The following INTS2 variants were observed in gnomAD, a reference collection of about 807,000 sequenced individuals.
The protein encoded by INTS2 is integrator complex subunit 2.
Under a neutral mutation model 139.6 loss-of-function variants are expected in INTS2, and 57 were observed. The observed-to-expected ratio is 0.41, with a 90% CI of 0.33 to 0.51. The LOEUF (loss-of-function observed/expected upper bound fraction) is 0.51, where lower values mean the gene tolerates loss of function less well. INTS2 is among the 20% of genes least tolerant of loss of function. INTS2 has a pLI of 0.28. For synonymous variants in INTS2, 473 were observed against 493.4 expected (o/e 0.96, Z 0.55); for missense variants, 1,196 against 1,436.7 (o/e 0.83, Z 2.71).
intron 5 of INTS2, among the ~76,000 whole-genome samples, chr17:61,913,025 G>A (rs921059862): frequency 2.0e-5 from 3 of 151,560 alleles, no homozygotes; most frequent in Admixed American, 2.0e-4. Context: ...GCAGTGAGCC[G>A]AGATCACACC....
chr17:61,885,025 TA>T lies in INTS2; in HGVS notation c.1985-21del, dbSNP rs781638368. 7.0e-7 allele frequency: 1 copy of T among 1,427,210 alleles called. No individual in the cohort carries two copies. The highest frequency in any genetic ancestry group is 9.7e-7 in the Non-Finnish European group (1 of 1,035,816). The allele number at this position is 1,427,210 out of a possible 1,614,324, so 88.4% of individuals were successfully genotyped here. A position where few individuals can be genotyped will look rare whatever the true frequency, so the allele number is the denominator to read the frequency against. On this transcript the variant is annotated intron_variant, in intron 15 of 24. Coordinates refer to ENST00000251334, the MANE Select transcript of INTS2 (RefSeq NM_001351695.2). ...TGGCAGCTATCAAAGATAAAAAGTG[TA>T]AAATAAATAAAATGTCCAGAAACAA...
chr17:61,913,471 T>A (rs2079548289), intron 5 of INTS2, among the ~76,000 whole-genome samples: 1 of 152,210 alleles, frequency 6.6e-6, no homozygotes, highest in South Asian at 2.1e-4. Context: ...GACATCTTTG[T>A]TCTTTGTTTT....
At chr17:61,889,376 C>G (rs2079266769) in intron 15 of INTS2, among the ~76,000 whole-genome samples, 1 of 152,134 alleles carries the variant, frequency 6.6e-6, no homozygotes, top group African/African-American at 2.4e-5. Context: ...CGTAAGCCAC[C>G]TCGACTGGCC....
At chr17:61,924,810 T>C in intron 3 of INTS2, 151 bp downstream of exon 3, 1 of 714,500 alleles carries the variant, frequency 1.4e-6, no homozygotes, top group Non-Finnish European at 2.3e-6. Context: ...GCTTGGGCAA[T>C]AAGAATGAAA....
Position 61,870,549 on chromosome 17 carries a change from G to C in INTS2, c.2779-561C>G, listed in dbSNP as rs991243123. On this transcript the variant is annotated intron_variant, in intron 20 of 24. Transcript: ENST00000251334. This position sits in a 1 kb window ranked among gnomAD's most constrained non-coding sequence, Gnocchi z 4.4. The stretch of plus-strand genomic sequence containing the variant: ...GGCTTGAGCATCATTGCACAGAGCA[G>C]TAGCTTGAGGGGTAATGGCAATATA... 6.6e-6 allele frequency among the ~76,000 whole-genome samples: 1 copy of C among 152,148 alleles called. No individual in the cohort carries two copies. Among genetic ancestry groups the C allele is most frequent in the Non-Finnish European group, 1.5e-5 (1 of 68,024 alleles).
intron 17 of INTS2, among the ~76,000 whole-genome samples, chr17:61,879,410 T>C (rs375360382): frequency 2.6e-5 from 4 of 152,272 alleles, no homozygotes; most frequent in African/African-American, 9.6e-5. Context: ...ACTAACCACA[T>C]CTGGCTATTG....
In INTS2 at chr17:61,867,985, G is replaced by C; in HGVS notation, c.3269C>G (p.Ala1090Gly). ...LTVLTQAKRYAFFMPTLPSLV... is the reference protein window; with the variant it reads ...LTVLTQAKRYGFFMPTLPSLV... ...ACTTGGCAGAGTTGGCATAAAAAAA[G>C]CATACCGCTTAGCCTGTGTTAAAAC... The change falls in exon 24 of 25, where the codon GCT becomes GGT. Residue 1090 changes from alanine (A) to glycine (G), a missense_variant. Physicochemically the swap from Ala to Gly is moderately conservative, Grantham distance 60. This residue lies in a region of INTS2 where 1,129 missense variants were observed against 1,341.9 expected (regional missense o/e 0.84). Transcript: ENST00000251334. This position sits in a 1 kb window ranked among gnomAD's most constrained non-coding sequence, Gnocchi z 5.6. The C allele has an allele frequency of 2.5e-6, 4 of 1,600,114 alleles. No homozygotes were observed. The highest frequency in any genetic ancestry group is 2.6e-6 in the Non-Finnish European group (3 of 1,176,084).
intron 15 of INTS2, among the ~76,000 whole-genome samples, chr17:61,887,082 T>G (rs933415593): frequency 1.3e-5 from 2 of 152,160 alleles, no homozygotes; most frequent in Non-Finnish European, 2.9e-5. Context: ...TAATACTAAC[T>G]TAGGGAAGTT....
In INTS2 at chr17:61,881,275, G is replaced by A. The variant is rs186811426; in HGVS notation, c.2090-104C>T. The A allele has an allele frequency of 1.0e-4, 91 of 869,054 alleles. 1 individual carries two copies. Among genetic ancestry groups the A allele is most frequent in the Admixed American group, 1.9e-4 (7 of 37,272 alleles). 53.8% of individuals were successfully genotyped at this position (869,054 alleles called of 1,614,324 possible). On this transcript the variant is annotated intron_variant, in intron 16 of 24. Coordinates refer to ENST00000251334, the MANE Select transcript of INTS2 (RefSeq NM_001351695.2). The stretch of plus-strand genomic sequence containing the variant: ...AGCCATCAGCCCACAAGGAAAGAGG[G>A]TTATGCTCTAAGTCAGTGTTTCTCA...
At position 61,891,623 on chromosome 17, in the gene INTS2, C is replaced by T. The variant is rs1184162946; in HGVS notation, c.1765G>A (p.Asp589Asn). Residue 589 changes from aspartate to asparagine, a missense_variant, in exon 14 of 25, where the codon GAT (aspartate) becomes AAT (asparagine). Coordinates refer to ENST00000251334, the MANE Select transcript of INTS2 (RefSeq NM_001351695.2). ...GTAAGTATAGAATTTATGTACACAT[C>T]AATCAAAGGAAGTAATTGAGGATGA... Reference protein sequence around the residue: ...PLHPQLLPLIDVYINSILTPA... With the variant: ...PLHPQLLPLINVYINSILTPA... The T allele has an allele frequency of 6.2e-7, 1 of 1,612,356 alleles. No individual in the cohort carries two copies. The highest frequency in any genetic ancestry group is 8.5e-7 in the Non-Finnish European group (1 of 1,178,536).
At position 61,869,463 on chromosome 17, in the gene INTS2, T is replaced by C; in HGVS notation, c.3031-83A>G. On this transcript the variant is annotated intron_variant, in intron 21 of 24. Coordinates refer to ENST00000251334, the MANE Select transcript of INTS2 (RefSeq NM_001351695.2). The surrounding 1 kb of genome is among the most constrained non-coding windows in gnomAD (Gnocchi z 5.4). ...TAAAAATACAAATGAAAGATTTCAT[T>C]TCCTTTCTGTAAAAATTGCTCAGAA... The C allele has an allele frequency of 9.1e-7, 1 of 1,098,162 alleles. No individual in the cohort carries two copies. The highest frequency in any genetic ancestry group is 1.3e-6 in the Non-Finnish European group (1 of 756,536). 68.0% of individuals were successfully genotyped at this position (1,098,162 alleles called of 1,614,324 possible).
chr17:61,924,758 G>C (rs1015286180), intron 3 of INTS2, among the ~76,000 whole-genome samples: 1 of 152,102 alleles, frequency 6.6e-6, no homozygotes, highest in African/African-American at 2.4e-5. Context: ...GAATCTGGGA[G>C]ACAGAGATTA....
chr17:61,883,700 C>A (rs1188586080), intron 16 of INTS2, among the ~76,000 whole-genome samples: 1 of 147,526 alleles, frequency 6.8e-6, no homozygotes, highest in Non-Finnish European at 1.5e-5. Context: ...TGAAGTGAGC[C>A]AAGATCGCAC....
chr17:61,890,265 T>C (rs2079276519), intron 14 of INTS2, among the ~76,000 whole-genome samples: 1 of 152,092 alleles, frequency 6.6e-6, no homozygotes, highest in Admixed American at 6.6e-5. Flanking sequence ...TTGTGAAAAA[T>C]GCAACTGTTT....
At position 61,868,747 on chromosome 17, in the gene INTS2, A is replaced by G. The variant is rs2079065643; in HGVS notation, c.3244+287T>C. 6.6e-6 allele frequency among the ~76,000 whole-genome samples: 1 copy of G among 152,178 alleles called. No individual in the cohort carries two copies. Among genetic ancestry groups the G allele is most frequent in the African/African-American group, 2.4e-5 (1 of 41,458 alleles). The stretch of plus-strand genomic sequence containing the variant: ...CTGAAAGTGTATTTGTTTTCCATTT[A>G]TAAAATACAGAAAGCTTATATTTAC... On this transcript the variant is annotated intron_variant, in intron 23 of 24. Transcript: ENST00000251334. This position sits in a 1 kb window ranked among gnomAD's most constrained non-coding sequence, Gnocchi z 4.7.
chr17:61,906,963 CAAAAAAA>C (rs34773307), intron 8 of INTS2, among the ~76,000 whole-genome samples: 3 of 80,194 alleles, frequency 3.7e-5, no homozygotes, highest in Admixed American at 1.6e-4. Flanking sequence ...GATTCCATCT[CAAAAAAA>C]AAAAAAAAAA....
intron 9 of INTS2, among the ~76,000 whole-genome samples, chr17:61,901,732 A>G (rs1472501611): frequency 6.6e-6 from 1 of 151,448 alleles, no homozygotes; most frequent in Non-Finnish European, 1.5e-5. Flanking sequence ...ACAGGACTGC[A>G]GGCGCCCGCC....
chr17:61,914,572 G>A (rs1244171362), intron 5 of INTS2, among the ~76,000 whole-genome samples: 10 of 151,394 alleles, frequency 6.6e-5, no homozygotes, highest in South Asian at 2.1e-4. Context: ...TGGTGGTGGC[G>A]GGCGCCTGTA....
At chr17:61,906,795 G>A (rs1177387072) in intron 8 of INTS2, among the ~76,000 whole-genome samples, 3 of 148,006 alleles carry the variant, frequency 2.0e-5, no homozygotes, top group Non-Finnish European at 4.5e-5. Flanking sequence ...GACAAGCCTG[G>A]CCAACATGGT....
Sources: allele counts gnomAD v4.1 joint callset (sites outside exome capture counted in the v4.1 genomes callset), GRCh38; gene constraint gnomAD v4.1.1; regional missense constraint gnomAD v4.1.1; non-coding constraint Gnocchi (gnomAD v3.1); transcripts MANE v1.5; gene names NCBI Gene and HGNC (gene_info 2026-07-23, HGNC 2026-07-21).